CLOCK: variants seen among roughly 807,000 people sequenced by gnomAD.
CLOCK encodes circadian locomoter output cycles protein kaput.
In CLOCK, 43 loss-of-function variants were observed where a neutral mutation model predicts 118.4. The ratio of observed to expected loss-of-function variants is 0.36; its 90% CI spans 0.28 to 0.47. The LOEUF is 0.47. Among genes scored for constraint, CLOCK ranks in the 20% least tolerant of loss-of-function variants. The pLI is 1.00. For missense variants in CLOCK, 846 were observed against 999.9 expected, an observed-to-expected ratio of 0.85 and a Z score of 2.08; for synonymous variants, 326 against 339.2, an observed-to-expected ratio of 0.96 and a Z score of 0.43.
chr4:55,504,639 G>T (rs1264063892), intron 2 of CLOCK, among the ~76,000 whole-genome samples: 2 of 151,918 alleles, frequency 1.3e-5, no homozygotes, highest in Admixed American at 6.6e-5. Flanking sequence ...TAAAGTACAG[G>T]ATCAATAAAA....
Position 55,530,193 on chromosome 4 carries a change from T to A in CLOCK, c.-290+16589A>T, listed in dbSNP as rs537504260. On this transcript the variant is annotated intron_variant, in intron 1 of 22. Transcript: ENST00000513440. ...ATATCTAAACACATAATTATAAAAT[T>A]CCATAACTACGAAGGACAAAGATAA... Among the ~76,000 whole-genome samples, 23 of 152,238 alleles carry A rather than the reference T, an allele frequency of 1.5e-4. No homozygotes were observed. In the South Asian group the frequency reaches 2.5e-3, roughly 16 times the overall value.
chr4:55,430,528 CAG>C lies in CLOCK; in HGVS notation c.*4885_*4886del, dbSNP rs1722428908. On this transcript the variant is annotated 3_prime_UTR_variant, in exon 23 of 23. Coordinates refer to ENST00000513440, the MANE Select transcript of CLOCK (RefSeq NM_004898.4). ...TAACTGTGCCAACAAAATTCATCCC[CAG>C]TGTTTCCACAGGAGACATTAAAATT... 3.3e-5 allele frequency: 5 copies of C among 152,290 alleles called. No homozygotes were observed. In the South Asian group the frequency reaches 8.3e-4, roughly 25 times the overall value. 9.4% of individuals were successfully genotyped at this position (152,290 alleles called of 1,614,324 possible).
intron 22 of CLOCK, among the ~76,000 whole-genome samples, chr4:55,436,005 G>A (rs1031495378): frequency 6.6e-6 from 1 of 152,184 alleles, no homozygotes; most frequent in African/African-American, 2.4e-5. Context: ...CAGCTGGTTA[G>A]AGCGGCACAG....
intron 3 of CLOCK, among the ~76,000 whole-genome samples, chr4:55,483,267 G>A (rs1333560426): frequency 6.6e-6 from 1 of 152,072 alleles, no homozygotes; most frequent in Non-Finnish European, 1.5e-5. Flanking sequence ...AATTGAGCAG[G>A]AAGATAGATA....
At position 55,476,050 on chromosome 4, in the gene CLOCK, G is replaced by A. The variant is rs1489628873; in HGVS notation, c.261C>T (p.Ile87=). 6.2e-7 allele frequency: 1 copy of A among 1,610,396 alleles called. No homozygotes were observed. Among genetic ancestry groups the A allele is most frequent in the Admixed American group, 1.7e-5 (1 of 59,938 alleles). ...TTTCACTAGCATCTGACTGTGCAGTGATTTCTGTAAACAGATTGACATATT... is the reference window on the plus strand; with the variant it reads ...TTTCACTAGCATCTGACTGTGCAGTAATTTCTGTAAACAGATTGACATATT... ...SIDFLRKHKE[I]TAQSDASEIR... Residue 87 remains isoleucine, a synonymous_variant, in exon 7 of 23, where the codon ATC becomes ATT. Coordinates refer to ENST00000513440, the MANE Select transcript of CLOCK (RefSeq NM_004898.4).
chr4:55,443,840 A>G lies in CLOCK; in HGVS notation c.1749T>C (p.Ser583=). The G allele has an allele frequency of 6.2e-7, 1 of 1,613,832 alleles. No individual in the cohort carries two copies. Among genetic ancestry groups the G allele is most frequent in the Non-Finnish European group, 8.5e-7 (1 of 1,179,964 alleles). Residue 583 remains serine, a synonymous_variant, in exon 20 of 23, where the codon TCT becomes TCC. Transcript: ENST00000513440. ...GLNFGSVQLS[S]GNSSNIQQLA... is the part of the protein sequence containing the mutation. ...GTTGCTGGATATTAGATGAATTTCCAGAAGAAAGTTGAACGGAACCAAAAT... is the reference window on the plus strand; with the variant it reads ...GTTGCTGGATATTAGATGAATTTCCGGAAGAAAGTTGAACGGAACCAAAAT...
rs1722383562 is a variant in CLOCK at position 55,429,681 on chromosome 4, T to C, written c.*5734A>G. On this transcript the variant is annotated 3_prime_UTR_variant, in exon 23 of 23. Coordinates refer to ENST00000513440, the MANE Select transcript of CLOCK (RefSeq NM_004898.4). ...CCAAATGGGCAAAATAGAGGCATCA[T>C]GTGCCATTGGTTCTGTCATACTGGC... 1 of 152,246 alleles carries C rather than the reference T, an allele frequency of 6.6e-6. No homozygotes were observed. Among genetic ancestry groups the C allele is most frequent in the Non-Finnish European group, 1.5e-5 (1 of 68,044 alleles). 9.4% of individuals were successfully genotyped at this position (152,246 alleles called of 1,614,324 possible).
chr4:55,511,314 T>C (rs908961620), intron 1 of CLOCK, among the ~76,000 whole-genome samples: 10 of 152,134 alleles, frequency 6.6e-5, no homozygotes, highest in Non-Finnish European at 1.5e-5. Flanking sequence ...AGTCCAATCA[T>C]GGCTATTAAT....
chr4:55,543,937 AGG>A (rs1460892370), intron 1 of CLOCK, among the ~76,000 whole-genome samples: 1 of 152,198 alleles, frequency 6.6e-6, no homozygotes, highest in East Asian at 1.9e-4. Context: ...CAAAATAAAA[AGG>A]AATACTGGTA....
chr4:55,485,843 C>T (rs1037199192), intron 3 of CLOCK, among the ~76,000 whole-genome samples: 1 of 152,090 alleles, frequency 6.6e-6, no homozygotes, highest in African/African-American at 2.4e-5. Flanking sequence ...TTTATCAAAA[C>T]ATCTCATGTA....
At chr4:55,451,541 C>T (rs1213706745) in intron 15 of CLOCK, among the ~76,000 whole-genome samples, 1 of 152,164 alleles carries the variant, frequency 6.6e-6, no homozygotes, top group Admixed American at 6.5e-5. Context: ...CTCAGAAGGA[C>T]CTCGTCCCTA....
intron 1 of CLOCK, among the ~76,000 whole-genome samples, chr4:55,524,480 ATATT>A (rs1202727719): frequency 6.6e-6 from 1 of 152,178 alleles, no homozygotes. Context: ...AAGAATAACT[ATATT>A]TATATTTTTA....
intron 2 of CLOCK, among the ~76,000 whole-genome samples, chr4:55,506,210 A>T (rs779019232): frequency 3.3e-5 from 5 of 152,088 alleles, no homozygotes; most frequent in Non-Finnish European, 7.4e-5. Flanking sequence ...CTTTCAGTAA[A>T]TATCTTTTGT....
At chr4:55,521,430 C>A (rs1694094861) in intron 1 of CLOCK, among the ~76,000 whole-genome samples, 1 of 152,190 alleles carries the variant, frequency 6.6e-6, no homozygotes, top group Admixed American at 6.5e-5. Flanking sequence ...GTTAGTCACA[C>A]CGGTCTTGAA....
chr4:55,465,263 G>A lies in CLOCK; in HGVS notation c.439-1458C>T, dbSNP rs186650730. Reference sequence around the variant, plus strand: ...ATAATCTAGAAATGATTTAATGTATGTAAATGGGAAGATGTGTGTAAGTTA... The same window carrying A: ...ATAATCTAGAAATGATTTAATGTATATAAATGGGAAGATGTGTGTAAGTTA... On this transcript the variant is annotated intron_variant, in intron 8 of 22. Coordinates refer to ENST00000513440, the MANE Select transcript of CLOCK (RefSeq NM_004898.4). Among the ~76,000 whole-genome samples, 152 of 152,268 alleles carry A rather than the reference G, an allele frequency of 1.0e-3. 1 individual carries two copies. The Middle Eastern group carries it at 0.014, about 14-fold the overall frequency.
intron 1 of CLOCK, among the ~76,000 whole-genome samples, chr4:55,512,074 A>C (rs1048560304): frequency 6.6e-6 from 1 of 151,994 alleles, no homozygotes; most frequent in African/African-American, 2.4e-5. Flanking sequence ...ACTTCCATAT[A>C]AAGATTTTTG....
intron 1 of CLOCK, among the ~76,000 whole-genome samples, chr4:55,525,538 TGTTGCCCA>T (rs1730125658): frequency 6.6e-6 from 1 of 152,156 alleles, no homozygotes; most frequent in African/African-American, 2.4e-5. Flanking sequence ...GTTTCACTCT[TGTTGCCCA>T]GGCTGGAGTG....
At chr4:55,471,246 T>C (rs1193686186) in intron 7 of CLOCK, among the ~76,000 whole-genome samples, 1 of 152,182 alleles carries the variant, frequency 6.6e-6, no homozygotes, top group Non-Finnish European at 1.5e-5. Context: ...TAAGGAGATA[T>C]ATGAAGAATA....
intron 1 of CLOCK, among the ~76,000 whole-genome samples, chr4:55,528,558 G>A (rs2110081331): frequency 6.6e-6 from 1 of 152,080 alleles, no homozygotes; most frequent in East Asian, 1.9e-4. Flanking sequence ...AAATCTATAA[G>A]ACAATGAAAA....
Sources: allele counts gnomAD v4.1 joint callset (sites outside exome capture counted in the v4.1 genomes callset), GRCh38; gene constraint gnomAD v4.1.1; transcripts MANE v1.5; gene names NCBI Gene and HGNC (gene_info 2026-07-23, HGNC 2026-07-21).